Variants in ADAM22 observed in about 807,000 individuals in gnomAD.
ADAM22 encodes ADAM metallopeptidase domain 22.
A neutral mutation model predicts 144.6 loss-of-function variants in ADAM22; 65 were observed. The observed-to-expected ratio is 0.45, with a 90% CI of 0.37 to 0.55. ADAM22 has a LOEUF of 0.55. ADAM22 is among the 20% of genes least tolerant of loss of function. ADAM22 has a pLI of 0.00. For missense variants in ADAM22, 974 were observed against 1,184.9 expected, an observed-to-expected ratio of 0.82 and a Z score of 2.61; for synonymous variants, 391 against 412.6, an observed-to-expected ratio of 0.95 and a Z score of 0.63.
At chr7:87,942,198 T>C (rs754650492) in intron 2 of ADAM22, among the ~76,000 whole-genome samples, 38 of 152,158 alleles carry the variant, frequency 2.5e-4, no homozygotes, top group Non-Finnish European at 4.9e-4. Context: ...GAAAAGGAAA[T>C]GATAAAAAGA....
At chr7:88,033,647 C>A (rs934977380) in intron 3 of ADAM22, among the ~76,000 whole-genome samples, 20 of 152,302 alleles carry the variant, frequency 1.3e-4, no homozygotes, top group African/African-American at 4.8e-4. Flanking sequence ...AATGGGATTC[C>A]CCAGGCTTTG....
chr7:88,180,785 T>C (rs1054958054), intron 27 of ADAM22, among the ~76,000 whole-genome samples: 3 of 152,152 alleles, frequency 2.0e-5, no homozygotes, highest in Non-Finnish European at 4.4e-5. Context: ...TTAAAATTCT[T>C]GTGTGGTACA....
At chr7:88,011,596 TC>T (rs1212418786) in intron 3 of ADAM22, among the ~76,000 whole-genome samples, 1 of 152,126 alleles carries the variant, frequency 6.6e-6, no homozygotes, top group Non-Finnish European at 1.5e-5. Flanking sequence ...TTTTTGTTCT[TC>T]CTAAGTCAAC....
In ADAM22 at chr7:87,947,822, G is replaced by A. The variant is rs183822041; in HGVS notation, c.246+12636G>A. On this transcript the variant is annotated intron_variant, in intron 2 of 31. Transcript: ENST00000413139. ...AAAAATTATTTTAATTTAATTACAC[G>A]CAATAACATGGAATGAAGGCATGGA... 2.5e-3 allele frequency among the ~76,000 whole-genome samples: 385 copies of A among 152,138 alleles called. 2 individuals are homozygous for A. The highest frequency in any genetic ancestry group is 3.8e-3 in the Non-Finnish European group (260 of 67,980).
chr7:88,181,845 G>A (rs959465254), intron 28 of ADAM22, 113 bp from the exon 29 acceptor site: 16 of 976,064 alleles, frequency 1.6e-5, no homozygotes, highest in Middle Eastern at 2.1e-4. Context: ...TGACAAACCC[G>A]GTGTTCCACA....
At chr7:88,020,280 A>G (rs897178157) in intron 3 of ADAM22, among the ~76,000 whole-genome samples, 4 of 152,184 alleles carry the variant, frequency 2.6e-5, no homozygotes, top group Non-Finnish European at 5.9e-5. Context: ...CTGGGACCTC[A>G]TTCAGGCCAG....
intron 2 of ADAM22, among the ~76,000 whole-genome samples, chr7:87,947,167 A>G (rs527943399): frequency 4.9e-4 from 74 of 152,294 alleles, no homozygotes; most frequent in African/African-American, 1.4e-3. Context: ...CAATATACCA[A>G]TGTAACAAAC....
chr7:88,068,335 A>G (rs1005666460), intron 3 of ADAM22, among the ~76,000 whole-genome samples: 2 of 152,048 alleles, frequency 1.3e-5, no homozygotes, highest in African/African-American at 2.4e-5. Flanking sequence ...TAAAGCTTCC[A>G]TTTTTTCCAG....
chr7:87,985,990 G>A (rs1168392108), intron 3 of ADAM22, among the ~76,000 whole-genome samples: 1 of 152,016 alleles, frequency 6.6e-6, no homozygotes, highest in Non-Finnish European at 1.5e-5. Flanking sequence ...AGTTACTAAG[G>A]CTTCAGGTTT....
At chr7:88,152,706 G>A (rs894372373) in intron 20 of ADAM22, among the ~76,000 whole-genome samples, 2 of 151,968 alleles carry the variant, frequency 1.3e-5, no homozygotes, top group Non-Finnish European at 2.9e-5. Flanking sequence ...TTGAGATGGA[G>A]TCTTGCTTTG....
At chr7:87,937,350 G>A (rs987006774) in intron 2 of ADAM22, among the ~76,000 whole-genome samples, 4 of 152,044 alleles carry the variant, frequency 2.6e-5, no homozygotes, top group Non-Finnish European at 5.9e-5. Flanking sequence ...GTGAAGACAT[G>A]GAGTCTTTCA....
At chr7:88,128,129 C>A (rs1830886758) in intron 8 of ADAM22, among the ~76,000 whole-genome samples, 3 of 151,986 alleles carry the variant, frequency 2.0e-5, no homozygotes, top group South Asian at 2.1e-4. Context: ...AGTCCCTGTA[C>A]CCTCTCGGAG....
chr7:88,129,372 G>GTGCA (rs751538408), intron 9 of ADAM22, among the ~76,000 whole-genome samples: 16 of 151,954 alleles, frequency 1.1e-4, no homozygotes, highest in Admixed American at 2.0e-4. Context: ...TCAGGTACAA[G>GTGCA]TGCATTTTAA....
At chr7:88,100,986 G>A (rs1822753604) in intron 4 of ADAM22, among the ~76,000 whole-genome samples, 1 of 150,662 alleles carries the variant, frequency 6.6e-6, no homozygotes, top group Non-Finnish European at 1.5e-5. Context: ...TCAGGACAGT[G>A]TATACCCTTG....
At chr7:87,954,878 A>G (rs1183966021) in intron 2 of ADAM22, among the ~76,000 whole-genome samples, 1 of 151,790 alleles carries the variant, frequency 6.6e-6, no homozygotes, top group Non-Finnish European at 1.5e-5. Context: ...GTTTCATTTC[A>G]TTCATTTCAT....
chr7:88,096,774 A>T (rs538005981), intron 4 of ADAM22, among the ~76,000 whole-genome samples: 84 of 152,132 alleles, frequency 5.5e-4, no homozygotes, highest in African/African-American at 1.6e-3. Flanking sequence ...ACAAGAAGGG[A>T]CTCTGGTGGT....
intron 9 of ADAM22, 86 bp from the exon 10 acceptor site, chr7:88,130,302 C>G: frequency 1.0e-6 from 1 of 961,976 alleles, no homozygotes; most frequent in Non-Finnish European, 1.5e-6. Context: ...TTTTAGGGAT[C>G]TTTCAATTGC....
chr7:87,955,483 G>C (rs921125641), intron 2 of ADAM22, among the ~76,000 whole-genome samples: 5 of 152,152 alleles, frequency 3.3e-5, no homozygotes, highest in Non-Finnish European at 5.9e-5. Context: ...CTGTCTGATC[G>C]TTCCTCTGGA....
intron 30 of ADAM22, among the ~76,000 whole-genome samples, chr7:88,186,974 T>A (rs1288681256): frequency 6.6e-6 from 1 of 152,220 alleles, no homozygotes; most frequent in East Asian, 1.9e-4. Context: ...TCTCTTCATT[T>A]TATGCTATGT....
Sources: allele counts gnomAD v4.1 joint callset (sites outside exome capture counted in the v4.1 genomes callset), GRCh38; gene constraint gnomAD v4.1.1; transcripts MANE v1.5; gene names NCBI Gene and HGNC (gene_info 2026-07-23, HGNC 2026-07-21).